CLIP4: variants seen among roughly 807,000 people sequenced by gnomAD.
CLIP4 encodes CAP-Gly domain containing linker protein family member 4, also known as CAP-Gly domain-containing linker protein 4.
In CLIP4, 47 loss-of-function variants were observed where a neutral mutation model predicts 73.1. That is an observed-to-expected ratio of 0.64 (90% confidence interval 0.51 to 0.82). The LOEUF is 0.82. Ranked by LOEUF, CLIP4 falls within the 40% of genes least tolerant of loss-of-function variation. The pLI, the probability that CLIP4 is intolerant of heterozygous loss-of-function variation, is 0.00. For synonymous variants in CLIP4, 306 were observed against 295.4 expected (o/e 1.04, Z -0.37); for missense variants, 874 against 852.9 (o/e 1.02, Z -0.31).
intron 5 of CLIP4, among the ~76,000 whole-genome samples, chr2:29,134,264 T>G (rs781108976): frequency 2.0e-5 from 3 of 152,166 alleles, no homozygotes; most frequent in Non-Finnish European, 4.4e-5. Flanking sequence ...TTCCCTGTTT[T>G]GATGGTGATA....
intron 2 of CLIP4, among the ~76,000 whole-genome samples, chr2:29,122,884 A>ACTCTTAT (rs1469896604): frequency 6.7e-6 from 1 of 149,914 alleles, no homozygotes; most frequent in Non-Finnish European, 1.5e-5. Context: ...GTTTTTGTAG[A>ACTCTTAT]CTCTTATGAA....
chr2:29,111,350 T>C (rs901965477), upstream of CLIP4, among the ~76,000 whole-genome samples: 3 of 152,250 alleles, frequency 2.0e-5, no homozygotes, highest in Non-Finnish European at 4.4e-5. Context: ...TTCAGTGACC[T>C]CAAGCTACAC....
rs1668743923 is a variant in CLIP4 at position 29,183,615 on chromosome 2, G to A, written c.*1722G>A. 1 of 152,548 alleles carries A rather than the reference G, an allele frequency of 6.6e-6. No homozygotes were observed. The highest frequency in any genetic ancestry group is 6.5e-5 in the Admixed American group (1 of 15,284). The allele number at this position is 152,548 out of a possible 1,614,324, so 9.4% of individuals were successfully genotyped here. A position where few individuals can be genotyped will look rare whatever the true frequency, so the allele number is the denominator to read the frequency against. On this transcript the variant is annotated 3_prime_UTR_variant, in exon 16 of 16. Transcript: ENST00000320081. Reference sequence around the variant, plus strand: ...AGTTAAAAACAGTAATGCCAACATTGAATTTATTTTTGAGGTCAAAGAACC... The same window carrying A: ...AGTTAAAAACAGTAATGCCAACATTAAATTTATTTTTGAGGTCAAAGAACC...
At chr2:29,112,714 G>T (rs959166412), upstream of CLIP4, among the ~76,000 whole-genome samples, 1 of 152,228 alleles carries the variant, frequency 6.6e-6, no homozygotes, top group African/African-American at 2.4e-5. Context: ...TCTGCCCAGT[G>T]CTCTGATCTT....
chr2:29,133,843 T>A (rs1572913262), intron 5 of CLIP4, 27 bp downstream of exon 5: 1 of 1,539,420 alleles, frequency 6.5e-7, no homozygotes, highest in Non-Finnish European at 8.8e-7. Context: ...CACCTTTAGA[T>A]ATTATTAACT....
chr2:29,116,585 G>C (rs1407421895), intron 1 of CLIP4, among the ~76,000 whole-genome samples: 1 of 152,252 alleles, frequency 6.6e-6, no homozygotes, highest in Non-Finnish European at 1.5e-5. Context: ...GGATCACGTG[G>C]TGCGGGGCAT....
At chr2:29,133,366 C>A (rs1338632492) in intron 4 of CLIP4, among the ~76,000 whole-genome samples, 4 of 152,156 alleles carry the variant, frequency 2.6e-5, no homozygotes, top group Non-Finnish European at 5.9e-5. Context: ...GGCTTCATAG[C>A]ATTCTATGTG....
Position 29,174,449 on chromosome 2 carries a change from A to G in CLIP4, c.1796+4A>G. 2 of 1,607,120 alleles carry G rather than the reference A, an allele frequency of 1.2e-6. No individual in the cohort carries two copies. Among genetic ancestry groups the G allele is most frequent in the Non-Finnish European group, 1.7e-6 (2 of 1,178,538 alleles). On this transcript the variant is annotated splice_donor_region_variant and intron_variant, in intron 15 of 15. Coordinates refer to ENST00000320081, the MANE Select transcript of CLIP4 (RefSeq NM_024692.6). ...ACAGAAGAAATGCTTTTTCCAAGTG[A>G]GTATTAAGAAGATTTAGAAAAACAC... is the stretch of plus-strand genomic sequence containing the variant.
chr2:29,108,781 CATG>C (rs1363894375), intron 1 of CLIP4, among the ~76,000 whole-genome samples: 1 of 152,180 alleles, frequency 6.6e-6, no homozygotes, highest in Non-Finnish European at 1.5e-5. Context: ...ACCATCATGT[CATG>C]ATCATCATAC....
chr2:29,154,841 A>C (rs1483927152), intron 9 of CLIP4, among the ~76,000 whole-genome samples: 1 of 152,138 alleles, frequency 6.6e-6, no homozygotes, highest in Non-Finnish European at 1.5e-5. Flanking sequence ...CGGAAGCGGA[A>C]CCCACATCAG....
chr2:29,178,542 T>C (rs1461514522), intron 15 of CLIP4, among the ~76,000 whole-genome samples: 1 of 152,158 alleles, frequency 6.6e-6, no homozygotes, highest in Non-Finnish European at 1.5e-5. Context: ...TTTCAAAGCT[T>C]TCCCCTGTAT....
chr2:29,136,334 T>G (rs1320636855), intron 6 of CLIP4, among the ~76,000 whole-genome samples: 1 of 152,158 alleles, frequency 6.6e-6, no homozygotes, highest in Non-Finnish European at 1.5e-5. Context: ...CGAAAACACC[T>G]GTCTTCCCTT....
In CLIP4 at chr2:29,163,803, C is replaced by T. The variant is rs761787357; in HGVS notation, c.1535-28C>T. The T allele has an allele frequency of 6.9e-6, 11 of 1,599,852 alleles. No homozygotes were observed. The Admixed American group carries it at 6.9e-5, about 10-fold the overall frequency. Reference sequence around the variant, plus strand: ...AAGAGTTTTGGATAAAGTACAGATGCTTTTGAAATGCAATATTCATGTTCT... The same window carrying T: ...AAGAGTTTTGGATAAAGTACAGATGTTTTTGAAATGCAATATTCATGTTCT... On this transcript the variant is annotated intron_variant, in intron 12 of 15. Coordinates refer to ENST00000320081, the MANE Select transcript of CLIP4 (RefSeq NM_024692.6).
rs80137636 is a variant in CLIP4 at position 29,182,524 on chromosome 2, C to G, written c.*631C>G. On this transcript the variant is annotated 3_prime_UTR_variant, in exon 16 of 16. Coordinates refer to ENST00000320081, the MANE Select transcript of CLIP4 (RefSeq NM_024692.6). Reference sequence around the variant, plus strand: ...ATTGCCAAATACTGAAATGGAAGCCCGTCTTACCTGGGGTCACTAACTGGT... The same window carrying G: ...ATTGCCAAATACTGAAATGGAAGCCGGTCTTACCTGGGGTCACTAACTGGT... 1.3e-5 allele frequency: 2 copies of G among 152,342 alleles called. No individual in the cohort carries two copies. Among genetic ancestry groups the G allele is most frequent in the African/African-American group, 2.4e-5 (1 of 41,396 alleles). 9.4% of individuals were successfully genotyped at this position (152,342 alleles called of 1,614,324 possible).
intron 2 of CLIP4, chr2:29,130,778 T>C (rs187737324): frequency 1.3e-4 from 170 of 1,285,288 alleles, no homozygotes; most frequent in Non-Finnish European, 1.4e-4. Context: ...AAGAACTATG[T>C]GTACATAGTA....
At chr2:29,160,628 C>A (rs1667225142) in intron 12 of CLIP4, among the ~76,000 whole-genome samples, 161 bp downstream of exon 12, 2 of 152,184 alleles carry the variant, frequency 1.3e-5, no homozygotes, top group Admixed American at 6.5e-5. Flanking sequence ...AAAACTCAGA[C>A]TGTTTACTCA....
At chr2:29,100,278 T>G (rs1241183824) in intron 1 of CLIP4, among the ~76,000 whole-genome samples, 1 of 152,090 alleles carries the variant, frequency 6.6e-6, no homozygotes. Context: ...CCTCTTTGCC[T>G]TTTTCTTTCA....
chr2:29,114,641 G>T (rs1668476928), upstream of CLIP4, among the ~76,000 whole-genome samples: 1 of 152,228 alleles, frequency 6.6e-6, no homozygotes, highest in Non-Finnish European at 1.5e-5. Flanking sequence ...AACAGGAAAA[G>T]ATGCTCCGGG....
At chr2:29,141,458 T>C (rs1665761847) in intron 6 of CLIP4, among the ~76,000 whole-genome samples, 1 of 152,234 alleles carries the variant, frequency 6.6e-6, no homozygotes, top group African/African-American at 2.4e-5. Context: ...ACTATCTACA[T>C]CTTTTTGTAA....
Sources: allele counts gnomAD v4.1 joint callset (sites outside exome capture counted in the v4.1 genomes callset), GRCh38; gene constraint gnomAD v4.1.1; transcripts MANE v1.5; gene names NCBI Gene and HGNC (gene_info 2026-07-23, HGNC 2026-07-21).